The following DDI2 variants were observed in gnomAD, a reference collection of about 807,000 sequenced individuals.
The protein encoded by DDI2 is DDI proteasomal shuttling factor 2, also known as protein DDI1 homolog 2.
A neutral mutation model predicts 48.1 loss-of-function variants in DDI2; 5 were observed. That is an observed-to-expected ratio of 0.10 (90% CI 0.05 to 0.22). The LOEUF (loss-of-function observed/expected upper bound fraction) is 0.22, where lower values mean the gene tolerates loss of function less well. Ranked by LOEUF, DDI2 falls within the 10% of genes least tolerant of loss-of-function variation. The pLI, the probability that DDI2 is intolerant of heterozygous loss-of-function variation, is 1.00. For synonymous variants in DDI2, 205 were observed against 183.6 expected (o/e 1.12, Z -0.94); for missense variants, 285 against 506.2 (o/e 0.56, Z 4.19).
chr1:15,646,233 C>G (rs1640088175), intron 6 of DDI2, among the ~76,000 whole-genome samples: 1 of 152,238 alleles, frequency 6.6e-6, no homozygotes, highest in South Asian at 2.1e-4. Context: ...TTGGGTCCAT[C>G]TCTCCTCCTA....
intron 5 of DDI2, among the ~76,000 whole-genome samples, chr1:15,641,955 CAAAAAAAA>C (rs57716922): frequency 1.3e-5 from 1 of 79,384 alleles, no homozygotes. Flanking sequence ...AATTCAGTCT[CAAAAAAAA>C]AAAAAAAAAA....
intron 1 of DDI2, among the ~76,000 whole-genome samples, chr1:15,621,199 C>G (rs1639658660): frequency 6.6e-6 from 1 of 152,086 alleles, no homozygotes; most frequent in African/African-American, 2.4e-5. Flanking sequence ...AAACAGTTAT[C>G]AGAACTTAGC....
intron 1 of DDI2, among the ~76,000 whole-genome samples, chr1:15,623,387 C>CTTCTTTTTTTTT (rs1553152999): frequency 9.3e-6 from 1 of 107,516 alleles, no homozygotes; most frequent in African/African-American, 3.8e-5. Context: ...TTTTCTTCTT[C>CTTCTTTTTTTTT]TTTTTTTTTT....
Position 15,651,799 on chromosome 1 carries a change from C to T in DDI2, c.1087C>T (p.Arg363Trp), listed in dbSNP as rs139539436. 7.7e-5 allele frequency: 124 copies of T among 1,613,938 alleles called. No homozygotes were observed. The highest frequency in any genetic ancestry group is 9.3e-5 in the Non-Finnish European group (110 of 1,179,934). The change falls in exon 8 of 10, where the codon CGG becomes TGG. Residue 363 changes from arginine to tryptophan, a missense_variant. Arg to Trp is a moderately radical substitution (Grantham distance 101). This residue lies in a region of DDI2 where 66 missense variants were observed against 87.3 expected (regional missense o/e 0.76). Transcript: ENST00000480945. ...TGAGGGAGAGCTACCAGAGTGTGCC[C>T]GGTTGGCATATGGGGCTGGAAGAGA... is the stretch of plus-strand genomic sequence containing the variant. ...LPEGELPECA[R>W]LAYGAGREDV...
intron 5 of DDI2, 139 bp from the exon 6 acceptor site, chr1:15,643,383 C>T: frequency 8.4e-7 from 1 of 1,186,182 alleles, no homozygotes; most frequent in Non-Finnish European, 1.1e-6. Context: ...AGGGCACTTG[C>T]TAGGTAGAAA....
chr1:15,653,258 A>ATT (rs1323168379), intron 8 of DDI2, among the ~76,000 whole-genome samples: 1 of 147,714 alleles, frequency 6.8e-6, no homozygotes, highest in Non-Finnish European at 1.5e-5. Flanking sequence ...GGACTGTTTT[A>ATT]TTTTATTTTA....
intron 5 of DDI2, among the ~76,000 whole-genome samples, chr1:15,642,992 G>A (rs1005917977): frequency 1.7e-4 from 26 of 152,170 alleles, no homozygotes; most frequent in African/African-American, 6.3e-4. Context: ...GTGTGAACCC[G>A]GGAGGTGGAG....
intron 8 of DDI2, among the ~76,000 whole-genome samples, chr1:15,652,665 T>G (rs1292346114): frequency 6.6e-6 from 1 of 151,596 alleles, no homozygotes; most frequent in South Asian, 2.1e-4. Flanking sequence ...CTACTAAATA[T>G]ACAAAAAATT....
rs773745181 is a variant in DDI2 at position 15,626,810 on chromosome 1, G to T, written c.268+12G>T. 1.2e-6 allele frequency: 2 copies of T among 1,614,114 alleles called. No homozygotes were observed. The highest frequency in any genetic ancestry group is 1.7e-6 in the Non-Finnish European group (2 of 1,180,016). On this transcript the variant is annotated intron_variant, in intron 2 of 9. Coordinates refer to ENST00000480945, the MANE Select transcript of DDI2 (RefSeq NM_032341.5). ...AGTGCAGTTCCCAAGTAAGACATCT[G>T]GTGGTTGAGCATCCCCCAGCAGAAC... is the stretch of plus-strand genomic sequence containing the variant.
At chr1:15,647,368 G>A (rs1458300216) in intron 6 of DDI2, among the ~76,000 whole-genome samples, 2 of 151,972 alleles carry the variant, frequency 1.3e-5, no homozygotes, top group South Asian at 2.1e-4. Context: ...GGCTGGTCTC[G>A]AACTCCTGAG....
At chr1:15,627,497 A>C (rs1570968284) in intron 2 of DDI2, among the ~76,000 whole-genome samples, 2 of 152,322 alleles carry the variant, frequency 1.3e-5, no homozygotes, top group South Asian at 2.1e-4. Context: ...CTGCTTTTAT[A>C]ATAGATGTTT....
At chr1:15,645,536 A>C (rs1640077069) in intron 6 of DDI2, among the ~76,000 whole-genome samples, 1 of 152,138 alleles carries the variant, frequency 6.6e-6, no homozygotes, top group African/African-American at 2.4e-5. Flanking sequence ...GATGGTTTTC[A>C]TAAATGTCTT....
Position 15,617,489 on chromosome 1 carries a change from T to G in DDI2, c.-182T>G. 1 of 385,560 alleles carries G rather than the reference T, an allele frequency of 2.6e-6. No homozygotes were observed. The highest frequency in any genetic ancestry group is 4.4e-6 in the Non-Finnish European group (1 of 229,076). 23.9% of individuals were successfully genotyped at this position (385,560 alleles called of 1,614,324 possible). A position where few individuals can be genotyped will look rare whatever the true frequency, so the allele number is the denominator to read the frequency against. On this transcript the variant is annotated 5_prime_UTR_variant, in exon 1 of 10. Coordinates refer to ENST00000480945, the MANE Select transcript of DDI2 (RefSeq NM_032341.5). ...ACTCGCAGGCGTGTGGCGGCGGCCG[T>G]GCTTGCTAGTGAGGGCGGGAGGGAG...
Position 15,663,582 on chromosome 1 carries a change from C to A in DDI2, c.*3792C>A, listed in dbSNP as rs1281868396. ...TTTTAGACAGCTGCACATTGTAGAC[C>A]CTTTCACCTGCCCTACACCAAAGAT... On this transcript the variant is annotated 3_prime_UTR_variant, in exon 10 of 10. Transcript: ENST00000480945. 6.6e-6 allele frequency: 1 copy of A among 152,136 alleles called. No homozygotes were observed. The highest frequency in any genetic ancestry group is 2.4e-5 in the African/African-American group (1 of 41,424). 9.4% of individuals were successfully genotyped at this position (152,136 alleles called of 1,614,324 possible).
In DDI2 at chr1:15,659,784, G is replaced by C. The variant is rs1024431383; in HGVS notation, c.*47-53G>C. 4.8e-6 allele frequency: 7 copies of C among 1,465,462 alleles called. No individual in the cohort carries two copies. In the African/African-American group the frequency reaches 9.9e-5, roughly 21 times the overall value. 90.8% of individuals were successfully genotyped at this position (1,465,462 alleles called of 1,614,324 possible). A position where few individuals can be genotyped will look rare whatever the true frequency, so the allele number is the denominator to read the frequency against. Reference sequence around the variant, plus strand: ...GATTTGTATCCTCTGGTAATTTAGTGGCATTAGTCACCTGCTAATTAATCT... The same window carrying C: ...GATTTGTATCCTCTGGTAATTTAGTCGCATTAGTCACCTGCTAATTAATCT... On this transcript the variant is annotated intron_variant, in intron 9 of 9. Transcript: ENST00000480945.
intron 1 of DDI2, among the ~76,000 whole-genome samples, chr1:15,620,392 T>C (rs1175667485): frequency 6.6e-6 from 1 of 152,192 alleles, no homozygotes; most frequent in African/African-American, 2.4e-5. Flanking sequence ...CTATAGTTTT[T>C]ACCCATAAAT....
intron 1 of DDI2, among the ~76,000 whole-genome samples, chr1:15,622,110 C>G (rs961219055): frequency 6.6e-6 from 1 of 151,798 alleles, no homozygotes; most frequent in African/African-American, 2.4e-5. Context: ...GGATCTCGCT[C>G]TCGCCCAGGC....
At chr1:15,644,782 A>G (rs990309780) in intron 6 of DDI2, among the ~76,000 whole-genome samples, 3 of 150,540 alleles carry the variant, frequency 2.0e-5, no homozygotes, top group African/African-American at 7.3e-5. Flanking sequence ...TTTAGTAGAG[A>G]CGGGGTTTCA....
At chr1:15,650,424 T>C (rs1441299415) in intron 7 of DDI2, among the ~76,000 whole-genome samples, 1 of 152,178 alleles carries the variant, frequency 6.6e-6, no homozygotes, top group Admixed American at 6.5e-5. Context: ...CACTGGGTAC[T>C]TCACATTTTT....
Sources: allele counts gnomAD v4.1 joint callset (sites outside exome capture counted in the v4.1 genomes callset), GRCh38; gene constraint gnomAD v4.1.1; regional missense constraint gnomAD v4.1.1; transcripts MANE v1.5; gene names NCBI Gene and HGNC (gene_info 2026-07-23, HGNC 2026-07-21).